Variants in AKT3 observed in about 807,000 individuals in gnomAD.
The protein encoded by AKT3 is RAC-gamma serine/threonine-protein kinase.
In AKT3, 15 loss-of-function variants were observed where a neutral mutation model predicts 65.3. That is an observed-to-expected ratio of 0.23 (90% CI 0.15 to 0.35). The LOEUF is 0.35. Ranked by LOEUF, AKT3 falls within the 10% of genes least tolerant of loss-of-function variation. The probability of loss-of-function intolerance (pLI) is 1.00; values close to 1 mark genes in which losing one functional copy is unlikely to be tolerated. For synonymous variants in AKT3, 206 were observed against 183.8 expected, an observed-to-expected ratio of 1.12 and a Z score of -0.98; for missense variants, 243 against 576.5, an observed-to-expected ratio of 0.42 and a Z score of 5.92.
intron 8 of AKT3, 83 bp from the exon 9 acceptor site, chr1:243,573,131 T>C: frequency 6.7e-7 from 1 of 1,487,952 alleles, no homozygotes; most frequent in Non-Finnish European, 9.2e-7. Flanking sequence ...ACACCTCTCA[T>C]CACCATATTG....
chr1:243,566,206 G>A (rs765692949), intron 9 of AKT3, among the ~76,000 whole-genome samples: 3 of 152,188 alleles, frequency 2.0e-5, no homozygotes, highest in Non-Finnish European at 4.4e-5. Context: ...GTGTGTACGT[G>A]TGTGTAAAAT....
chr1:243,750,048 C>T (rs1425301241), intron 2 of AKT3, among the ~76,000 whole-genome samples: 1 of 152,144 alleles, frequency 6.6e-6, no homozygotes, highest in Non-Finnish European at 1.5e-5. Context: ...AGGCTAAATG[C>T]AATATGGCCT....
intron 2 of AKT3, among the ~76,000 whole-genome samples, chr1:243,752,335 G>C (rs1323563703): frequency 1.3e-5 from 2 of 152,112 alleles, no homozygotes; most frequent in South Asian, 2.1e-4. Context: ...ACTGCTTTCC[G>C]AACAGCTTTG....
At chr1:243,641,407 G>A (rs1680390503) in intron 5 of AKT3, among the ~76,000 whole-genome samples, 1 of 149,888 alleles carries the variant, frequency 6.7e-6, no homozygotes, top group South Asian at 2.1e-4. Context: ...TTCATAACCA[G>A]GCCAGAGTGT....
chr1:243,506,156 T>G (rs915788544), intron 13 of AKT3, among the ~76,000 whole-genome samples: 42 of 152,260 alleles, frequency 2.8e-4, no homozygotes, highest in African/African-American at 9.6e-4. Context: ...GCATCTGCTC[T>G]GGGCTGAGCA....
At chr1:243,788,512 G>A (rs1364908925) in intron 2 of AKT3, among the ~76,000 whole-genome samples, 2 of 152,154 alleles carry the variant, frequency 1.3e-5, no homozygotes, top group Non-Finnish European at 2.9e-5. Flanking sequence ...AAATGGTATA[G>A]TATTTGCATA....
chr1:243,608,743 C>CT (rs566574203), intron 8 of AKT3, among the ~76,000 whole-genome samples: 10,102 of 70,698 alleles, frequency 0.14, 2,431 homozygotes, highest in East Asian at 0.24. Flanking sequence ...AAGTTTTTTG[C>CT]TTTTTTTTTT....
chr1:243,592,046 C>T (rs137947060), intron 8 of AKT3, among the ~76,000 whole-genome samples: 39 of 152,158 alleles, frequency 2.6e-4, no homozygotes, highest in Admixed American at 7.8e-4. Flanking sequence ...TTAAAACACC[C>T]TAAGCCTGGC....
intron 9 of AKT3, 48 bp from the exon 10 acceptor site, chr1:243,563,896 C>T: frequency 6.5e-7 from 1 of 1,536,626 alleles, no homozygotes; most frequent in Non-Finnish European, 8.8e-7. Context: ...TCTTCAACAA[C>T]ATGAAAATAC....
intron 6 of AKT3, among the ~76,000 whole-genome samples, chr1:243,629,215 G>A (rs1472178711): frequency 1.3e-5 from 2 of 152,196 alleles, no homozygotes; most frequent in African/African-American, 4.8e-5. Flanking sequence ...GGCAGAGGTT[G>A]CAGTGAGCTG....
chr1:243,669,359 A>C (rs548674812), intron 3 of AKT3, among the ~76,000 whole-genome samples: 28 of 152,320 alleles, frequency 1.8e-4, no homozygotes, highest in African/African-American at 6.0e-4. Context: ...GGGCGTGCCC[A>C]AGAGAAATAC....
intron 4 of AKT3, among the ~76,000 whole-genome samples, chr1:243,663,774 G>A (rs1682563984): frequency 6.6e-6 from 1 of 152,156 alleles, no homozygotes; most frequent in African/African-American, 2.4e-5. Context: ...TCACAAAGTT[G>A]CTGATTAGGA....
At chr1:243,790,390 T>C (rs1271419814) in intron 2 of AKT3, among the ~76,000 whole-genome samples, 1 of 152,230 alleles carries the variant, frequency 6.6e-6, no homozygotes, top group Non-Finnish European at 1.5e-5. Flanking sequence ...TTAAACCTCA[T>C]GAATCAACCT....
intron 2 of AKT3, among the ~76,000 whole-genome samples, chr1:243,817,244 G>A (rs1693585163): frequency 6.6e-6 from 1 of 152,022 alleles, no homozygotes; most frequent in African/African-American, 2.4e-5. Flanking sequence ...AGAGAACCAT[G>A]GACTCAAACC....
chr1:243,653,047 T>C (rs1681496511), intron 4 of AKT3, among the ~76,000 whole-genome samples: 1 of 151,058 alleles, frequency 6.6e-6, no homozygotes, highest in Non-Finnish European at 1.5e-5. Flanking sequence ...AAAAAAAAAA[T>C]CAATGAATCC....
intron 3 of AKT3, among the ~76,000 whole-genome samples, chr1:243,690,232 C>G (rs1276151762): frequency 6.6e-6 from 1 of 152,044 alleles, no homozygotes; most frequent in East Asian, 1.9e-4. Flanking sequence ...GGCAAATGCA[C>G]ACGTCCTCCA....
intron 3 of AKT3, among the ~76,000 whole-genome samples, chr1:243,693,294 A>ATATATATATATATATAT (rs1684843970): frequency 2.6e-5 from 3 of 117,190 alleles, no homozygotes; most frequent in Non-Finnish European, 5.3e-5. Flanking sequence ...ATATATATAT[A>ATATATATATATATATAT]ACATTTCCCA....
At chr1:243,600,520 T>A (rs1257249215) in intron 8 of AKT3, among the ~76,000 whole-genome samples, 1 of 152,170 alleles carries the variant, frequency 6.6e-6, no homozygotes, top group Non-Finnish European at 1.5e-5. Context: ...CATATATGAC[T>A]GATTTTTGAC....
chr1:243,745,853 T>G (rs2148192144), intron 2 of AKT3, among the ~76,000 whole-genome samples: 1 of 152,298 alleles, frequency 6.6e-6, no homozygotes, highest in African/African-American at 2.4e-5. Context: ...TTCCGATACA[T>G]GCCTTTGAAG....
Sources: allele counts gnomAD v4.1 joint callset (sites outside exome capture counted in the v4.1 genomes callset), GRCh38; gene constraint gnomAD v4.1.1; transcripts MANE v1.5; gene names NCBI Gene and HGNC (gene_info 2026-07-23, HGNC 2026-07-21).